Variants in HECW2 observed in about 807,000 individuals in gnomAD.
The protein encoded by HECW2 is HECT, C2 and WW domain containing E3 ubiquitin protein ligase 2.
HECW2 carries 61 observed loss-of-function variants against 175.2 expected under a neutral mutation model. The observed-to-expected ratio is 0.35, with a 90% CI of 0.28 to 0.43. HECW2 has a LOEUF of 0.43. Ranked by LOEUF, HECW2 falls within the 20% of genes least tolerant of loss-of-function variation. The pLI is 1.00. For synonymous variants in HECW2, 671 were observed against 731.0 expected, an observed-to-expected ratio of 0.92 and a Z score of 1.32; for missense variants, 1,524 against 2,000.5, an observed-to-expected ratio of 0.76 and a Z score of 4.54.
At chr2:196,372,872 C>A (rs552526878) in intron 2 of HECW2, among the ~76,000 whole-genome samples, 1 of 152,212 alleles carries the variant, frequency 6.6e-6, no homozygotes, top group Non-Finnish European at 1.5e-5. Context: ...GGTTCCGCGG[C>A]CAAAAATGGA....
intron 21 of HECW2, among the ~76,000 whole-genome samples, chr2:196,234,178 T>C (rs1688156410): frequency 6.6e-6 from 1 of 152,140 alleles, no homozygotes; most frequent in African/African-American, 2.4e-5. Flanking sequence ...GCAATCACAG[T>C]GTAAACCTCC....
intron 1 of HECW2, among the ~76,000 whole-genome samples, chr2:196,513,808 T>C (rs759080570): frequency 3.8e-4 from 58 of 152,236 alleles, no homozygotes; most frequent in Non-Finnish European, 7.5e-4. Context: ...CCAATGCCAG[T>C]TGGCAAACAG....
At chr2:196,446,087 A>G (rs921954204) in intron 1 of HECW2, among the ~76,000 whole-genome samples, 1 of 152,230 alleles carries the variant, frequency 6.6e-6, no homozygotes, top group Non-Finnish European at 1.5e-5. Context: ...AAAGCCCCAC[A>G]TGATCTGGCT....
intron 2 of HECW2, among the ~76,000 whole-genome samples, chr2:196,410,050 A>G (rs1232267118): frequency 6.6e-6 from 1 of 152,210 alleles, no homozygotes; most frequent in African/African-American, 2.4e-5. Context: ...CCAGAGCAAC[A>G]GAGGACTCCT....
At chr2:196,471,272 T>C (rs1263703896) in intron 1 of HECW2, among the ~76,000 whole-genome samples, 1 of 152,162 alleles carries the variant, frequency 6.6e-6, no homozygotes, top group Non-Finnish European at 1.5e-5. Flanking sequence ...TGAGATACCA[T>C]CTCATACCAG....
At chr2:196,308,740 C>A (rs1559028894) in intron 10 of HECW2, among the ~76,000 whole-genome samples, 3 of 152,114 alleles carry the variant, frequency 2.0e-5, no homozygotes, top group Admixed American at 1.3e-4. Context: ...TGTGTTAAAT[C>A]TTTCTAGAGA....
intron 1 of HECW2, among the ~76,000 whole-genome samples, chr2:196,469,269 CA>C (rs1359663770): frequency 1.3e-5 from 2 of 151,952 alleles, no homozygotes; most frequent in African/African-American, 4.8e-5. Flanking sequence ...CTAAACAGAA[CA>C]AACTAGAGGG....
intron 1 of HECW2, among the ~76,000 whole-genome samples, chr2:196,445,063 G>A (rs948918623): frequency 6.6e-6 from 1 of 152,136 alleles, no homozygotes; most frequent in African/African-American, 2.4e-5. Context: ...CCAGCCAGAA[G>A]GCAACATTCC....
At chr2:196,219,307 G>A (rs1687583168) in intron 26 of HECW2, among the ~76,000 whole-genome samples, 1 of 152,144 alleles carries the variant, frequency 6.6e-6, no homozygotes, top group South Asian at 2.1e-4. Context: ...TGTATTCTTT[G>A]CTTAAAATTA....
chr2:196,209,533 G>A (rs1444515558), intron 28 of HECW2, among the ~76,000 whole-genome samples: 2 of 152,174 alleles, frequency 1.3e-5, no homozygotes, highest in Non-Finnish European at 2.9e-5. Flanking sequence ...GGGCAGAGGG[G>A]AAAGGAGTTG....
At chr2:196,221,666 C>T (rs1390652183) in intron 24 of HECW2, among the ~76,000 whole-genome samples, 1 of 151,990 alleles carries the variant, frequency 6.6e-6, no homozygotes, top group Non-Finnish European at 1.5e-5. Flanking sequence ...CTCAGGTGAC[C>T]CTCCCACCTT....
chr2:196,572,548 A>G (rs1425012642), intron 1 of HECW2, among the ~76,000 whole-genome samples: 3 of 152,208 alleles, frequency 2.0e-5, no homozygotes, highest in Non-Finnish European at 2.9e-5. Context: ...TGTACTTAAC[A>G]TTACTGAATT....
intron 2 of HECW2, among the ~76,000 whole-genome samples, chr2:196,387,010 A>G (rs369812583): frequency 6.6e-6 from 1 of 152,148 alleles, no homozygotes; most frequent in Admixed American, 6.5e-5. Flanking sequence ...AGAATAATGC[A>G]TGGTGCTAGG....
Position 196,433,326 on chromosome 2 carries a change from G to A in HECW2, c.98C>T (p.Ala33Val). 2 of 1,614,146 alleles carry A rather than the reference G, an allele frequency of 1.2e-6. No individual in the cohort carries two copies. The highest frequency in any genetic ancestry group is 1.7e-6 in the Non-Finnish European group (2 of 1,180,020). ...CATGTTCTCTGGCATGGAGCTCTGG[G>A]CGGCAAGGCTCTGGAGGTTCTCTGG... is the stretch of plus-strand genomic sequence containing the variant. ...LSPENLQSLAAQSSMPENMTL... is the reference protein window; with the variant it reads ...LSPENLQSLAVQSSMPENMTL... Residue 33 changes from alanine (A) to valine (V), a missense_variant, in exon 2 of 29, where the codon GCC (alanine) becomes GTC (valine). This residue lies in a region of HECW2 where 135 missense variants were observed against 214.6 expected (regional missense o/e 0.63). Transcript: ENST00000644978.
chr2:196,560,921 A>G (rs1174586477), intron 1 of HECW2, among the ~76,000 whole-genome samples: 1 of 152,176 alleles, frequency 6.6e-6, no homozygotes, highest in Non-Finnish European at 1.5e-5. Flanking sequence ...GGACCCTGTG[A>G]TGATTGCATT....
intron 13 of HECW2, among the ~76,000 whole-genome samples, chr2:196,301,493 G>A (rs58204272): frequency 0.027 from 4,079 of 152,042 alleles, 83 homozygotes; most frequent in South Asian, 0.092. Context: ...CACTCCCACC[G>A]AAAGTGCAGA....
At chr2:196,390,784 A>G (rs1694486070) in intron 2 of HECW2, among the ~76,000 whole-genome samples, 1 of 152,206 alleles carries the variant, frequency 6.6e-6, no homozygotes, top group African/African-American at 2.4e-5. Context: ...ATGCTTGGAG[A>G]TAAGTAGATT....
intron 1 of HECW2, among the ~76,000 whole-genome samples, chr2:196,563,281 C>A (rs1288982338): frequency 6.6e-6 from 1 of 151,898 alleles, no homozygotes; most frequent in African/African-American, 2.4e-5. Flanking sequence ...AATATTCATT[C>A]CTGGCTGGGC....
chr2:196,371,048 G>A (rs551880109), intron 2 of HECW2, among the ~76,000 whole-genome samples: 3 of 152,200 alleles, frequency 2.0e-5, no homozygotes, highest in Admixed American at 6.5e-5. Flanking sequence ...GTGGAGAGTC[G>A]TTCAATTTGG....
Sources: gnomAD v4.1 joint callset for allele counts (sites outside exome capture counted in the v4.1 genomes callset) on GRCh38, gnomAD v4.1.1 for gene constraint, gnomAD v4.1.1 regional missense constraint, MANE v1.5 for transcripts, NCBI Gene and HGNC (gene_info 2026-07-23, HGNC 2026-07-21) for gene names.